CNTN5: variants seen among roughly 807,000 people sequenced by gnomAD.
CNTN5 encodes contactin 5.
Under a neutral mutation model 129.1 loss-of-function variants are expected in CNTN5, and 77 were observed. The observed-to-expected ratio is 0.60, with a 90% CI of 0.50 to 0.72. CNTN5 has a LOEUF of 0.72. Among genes scored for constraint, CNTN5 ranks in the 30% least tolerant of loss-of-function variants. The probability of loss-of-function intolerance (pLI) is 0.00; values close to 1 mark genes in which losing one functional copy is unlikely to be tolerated. For missense variants in CNTN5, 1,478 were observed against 1,328.8 expected (o/e 1.11, Z -1.75); for synonymous variants, 509 against 465.6 (o/e 1.09, Z -1.20).
intron 1 of CNTN5, among the ~76,000 whole-genome samples, chr11:99,114,456 T>C (rs1857946834): frequency 7.0e-6 from 1 of 143,130 alleles, no homozygotes; most frequent in African/African-American, 2.5e-5. Flanking sequence ...ATCCCCCTTC[T>C]TCTTTCCTTC....
intron 3 of CNTN5, among the ~76,000 whole-genome samples, chr11:99,740,751 T>C (rs1400093875): frequency 2.0e-5 from 3 of 152,168 alleles, no homozygotes; most frequent in Admixed American, 2.0e-4. Flanking sequence ...CATGAAACAC[T>C]CTAGTGAATT....
At chr11:99,904,634 T>C (rs888743125) in intron 6 of CNTN5, among the ~76,000 whole-genome samples, 4 of 152,210 alleles carry the variant, frequency 2.6e-5, no homozygotes, top group East Asian at 1.9e-4. Context: ...TAGAATGATA[T>C]ATAATCCTTT....
chr11:100,069,675 T>G (rs1489088298), intron 10 of CNTN5, among the ~76,000 whole-genome samples: 1 of 152,174 alleles, frequency 6.6e-6, no homozygotes, highest in African/African-American at 2.4e-5. Context: ...ATTTTACAGT[T>G]TTTGCCAAAA....
At chr11:99,601,750 G>C (rs1181764493) in intron 3 of CNTN5, among the ~76,000 whole-genome samples, 3 of 152,068 alleles carry the variant, frequency 2.0e-5, no homozygotes, top group South Asian at 2.1e-4. Flanking sequence ...TAGGATACTG[G>C]CTTCCTCTTT....
chr11:99,941,507 T>A (rs1298104470), intron 7 of CNTN5, among the ~76,000 whole-genome samples: 1 of 149,824 alleles, frequency 6.7e-6, no homozygotes, highest in Non-Finnish European at 1.5e-5. Context: ...AGTCAAGATT[T>A]CTTCCCTAAG....
rs75237577 is a variant in CNTN5, at chr11:99,188,874, T to C, written c.-209-136472T>C. ...CTACATTCTTAGCAGTTTTCTACTCTCTTAGGAATTTTCAAGAATATAATA... is the reference window on the plus strand; with the variant it reads ...CTACATTCTTAGCAGTTTTCTACTCCCTTAGGAATTTTCAAGAATATAATA... On this transcript the variant is annotated intron_variant, in intron 1 of 24. Transcript: ENST00000524871. 7.8e-3 allele frequency among the ~76,000 whole-genome samples: 1,181 copies of C among 151,876 alleles called. 14 individuals are homozygous for C. Among genetic ancestry groups the C allele is most frequent in the African/African-American group, 0.027 (1,104 of 41,508 alleles).
chr11:99,814,645 A>G (rs899282120), intron 3 of CNTN5, among the ~76,000 whole-genome samples: 10 of 152,160 alleles, frequency 6.6e-5, no homozygotes, highest in Admixed American at 3.9e-4. Context: ...TAAGGTTACG[A>G]ATTATGAACT....
At chr11:99,172,203 G>A (rs1291266613) in intron 1 of CNTN5, among the ~76,000 whole-genome samples, 5 of 70,822 alleles carry the variant, frequency 7.1e-5, no homozygotes, top group Non-Finnish European at 1.5e-4. Flanking sequence ...CTAAGACCCA[G>A]TTTCTTTTTA....
At chr11:100,254,587 CA>C (rs1170183690) in intron 16 of CNTN5, among the ~76,000 whole-genome samples, 1 of 152,048 alleles carries the variant, frequency 6.6e-6, no homozygotes, top group Admixed American at 6.6e-5. Flanking sequence ...ACAACGACAA[CA>C]AAAAAAGTTC....
At chr11:99,166,725 T>G (rs1860890584) in intron 1 of CNTN5, among the ~76,000 whole-genome samples, 1 of 151,962 alleles carries the variant, frequency 6.6e-6, no homozygotes, top group Non-Finnish European at 1.5e-5. Context: ...GCTTGTCATA[T>G]TTACAGTGGT....
At chr11:99,973,917 A>G (rs1053814672) in intron 8 of CNTN5, among the ~76,000 whole-genome samples, 2 of 152,224 alleles carry the variant, frequency 1.3e-5, no homozygotes, top group Non-Finnish European at 1.5e-5. Flanking sequence ...TGAGCCTCAT[A>G]TATTCAAATG....
chr11:99,815,434 G>C (rs76681814), intron 3 of CNTN5, among the ~76,000 whole-genome samples: 363 of 152,252 alleles, frequency 2.4e-3, no homozygotes, highest in African/African-American at 8.3e-3. Context: ...CCAAGTTGGA[G>C]AGTTAAAAAT....
intron 16 of CNTN5, among the ~76,000 whole-genome samples, chr11:100,252,306 G>T (rs1949979362): frequency 6.6e-6 from 1 of 152,120 alleles, no homozygotes. Flanking sequence ...CATATATGCT[G>T]CACATTAATC....
intron 1 of CNTN5, among the ~76,000 whole-genome samples, chr11:99,215,271 C>G (rs756042429): frequency 1.1e-4 from 16 of 152,080 alleles, no homozygotes; most frequent in Non-Finnish European, 2.2e-4. Flanking sequence ...TTTTTTACCA[C>G]TCTTAGAAGG....
At chr11:99,784,165 T>G (rs1444535293) in intron 3 of CNTN5, among the ~76,000 whole-genome samples, 2 of 152,086 alleles carry the variant, frequency 1.3e-5, no homozygotes, top group East Asian at 2.0e-4. Context: ...ATTATTATAC[T>G]TTAAGTTCTG....
chr11:100,145,624 T>C (rs1946826646), intron 13 of CNTN5, among the ~76,000 whole-genome samples: 1 of 152,186 alleles, frequency 6.6e-6, no homozygotes, highest in Non-Finnish European at 1.5e-5. Context: ...TCATTGTTTT[T>C]CTTTCAATTC....
intron 3 of CNTN5, among the ~76,000 whole-genome samples, chr11:99,756,853 T>G (rs1944418911): frequency 6.6e-6 from 1 of 151,074 alleles, no homozygotes; most frequent in African/African-American, 2.4e-5. Flanking sequence ...TAAAAAGAAA[T>G]AACTTTTAAA....
chr11:99,577,762 A>T (rs942972794), intron 3 of CNTN5, among the ~76,000 whole-genome samples: 2 of 152,100 alleles, frequency 1.3e-5, no homozygotes, highest in African/African-American at 4.8e-5. Flanking sequence ...TAAAATGTTT[A>T]AAGATGATTC....
At chr11:99,769,656 G>A (rs1944876046) in intron 3 of CNTN5, among the ~76,000 whole-genome samples, 1 of 151,872 alleles carries the variant, frequency 6.6e-6, no homozygotes, top group Non-Finnish European at 1.5e-5. Flanking sequence ...GGGAAACATA[G>A]CGAAACCCCC....
Sources: gnomAD v4.1 joint callset for allele counts (sites outside exome capture counted in the v4.1 genomes callset) on GRCh38, gnomAD v4.1.1 for gene constraint, MANE v1.5 for transcripts, NCBI Gene and HGNC (gene_info 2026-07-23, HGNC 2026-07-21) for gene names.